TMEM132D: variants seen among roughly 807,000 people sequenced by gnomAD.
TMEM132D encodes transmembrane protein 132D.
A neutral mutation model predicts 62.3 loss-of-function variants in TMEM132D; 21 were observed. That is an observed-to-expected ratio of 0.34 (90% CI 0.24 to 0.49). The LOEUF (loss-of-function observed/expected upper bound fraction) is 0.49. Among genes scored for constraint, TMEM132D ranks in the 20% least tolerant of loss-of-function variants. The pLI, the probability that TMEM132D is intolerant of heterozygous loss-of-function variation, is 0.99. For synonymous variants in TMEM132D, 621 were observed against 575.6 expected (o/e 1.08, Z -1.13); for missense variants, 1,346 against 1,402.8 (o/e 0.96, Z 0.65).
At chr12:129,709,434 T>C (rs1360032302) in intron 1 of TMEM132D, among the ~76,000 whole-genome samples, 1 of 152,182 alleles carries the variant, frequency 6.6e-6, no homozygotes, top group Non-Finnish European at 1.5e-5. Context: ...TGGTAGAAAA[T>C]AAACTACAAT....
chr12:129,657,478 C>A (rs1290257970), intron 2 of TMEM132D, among the ~76,000 whole-genome samples: 1 of 152,196 alleles, frequency 6.6e-6, no homozygotes, highest in African/African-American at 2.4e-5. Flanking sequence ...CACATTTCCA[C>A]CATCAAGAAG....
At chr12:129,156,300 A>T (rs1482922422) in intron 5 of TMEM132D, among the ~76,000 whole-genome samples, 2 of 151,904 alleles carry the variant, frequency 1.3e-5, no homozygotes, top group Non-Finnish European at 2.9e-5. Context: ...GTCCTGTGAT[A>T]CCCAACCCAC....
chr12:129,605,928 C>A (rs1193149797), intron 2 of TMEM132D, among the ~76,000 whole-genome samples: 2 of 152,072 alleles, frequency 1.3e-5, no homozygotes. Flanking sequence ...CATAGAGCTG[C>A]TCCAGCTGCA....
intron 3 of TMEM132D, among the ~76,000 whole-genome samples, chr12:129,528,400 G>A (rs1876115990): frequency 1.4e-5 from 2 of 145,920 alleles, no homozygotes; most frequent in East Asian, 4.1e-4. Context: ...AGTTGCAGAT[G>A]TCTTATGAAA....
chr12:129,602,737 C>T (rs1878513978), intron 2 of TMEM132D, among the ~76,000 whole-genome samples: 1 of 152,184 alleles, frequency 6.6e-6, no homozygotes, highest in African/African-American at 2.4e-5. Flanking sequence ...TCACCATCCC[C>T]CACCAGAGGG....
At chr12:129,848,479 C>A (rs1249305999) in intron 1 of TMEM132D, among the ~76,000 whole-genome samples, 3 of 152,092 alleles carry the variant, frequency 2.0e-5, no homozygotes, top group African/African-American at 7.2e-5. Context: ...CTTAAAAAAT[C>A]TGAACATCAA....
intron 5 of TMEM132D, among the ~76,000 whole-genome samples, chr12:129,188,625 C>G (rs1449566416): frequency 6.6e-6 from 1 of 151,912 alleles, no homozygotes; most frequent in Non-Finnish European, 1.5e-5. Context: ...TACTAGCTGT[C>G]AGGCACAGGT....
intron 1 of TMEM132D, among the ~76,000 whole-genome samples, chr12:129,800,560 T>C (rs895981711): frequency 3.9e-5 from 6 of 152,080 alleles, no homozygotes; most frequent in African/African-American, 1.2e-4. Flanking sequence ...GTGGAGGCCA[T>C]AGAATCCTAT....
At chr12:129,517,587 G>A (rs1875719806) in intron 3 of TMEM132D, among the ~76,000 whole-genome samples, 2 of 152,258 alleles carry the variant, frequency 1.3e-5, no homozygotes, top group South Asian at 2.1e-4. Flanking sequence ...GTGGACCCAT[G>A]GGAGCATATT....
At chr12:129,583,070 A>G (rs532535819) in intron 2 of TMEM132D, among the ~76,000 whole-genome samples, 128 of 152,356 alleles carry the variant, frequency 8.4e-4, no homozygotes, top group African/African-American at 3.0e-3. Context: ...AGCCTCCCAA[A>G]GTGCTGGGAT....
At position 129,827,397 on chromosome 12, in the gene TMEM132D, A is replaced by G. The variant is rs1872690852; in HGVS notation, c.79+75864T>C. Among the ~76,000 whole-genome samples the G allele has an allele frequency of 3.3e-5, 5 of 152,180 alleles. No individual in the cohort carries two copies. Among genetic ancestry groups the G allele is most frequent in the Admixed American group, 3.3e-4 (5 of 15,276 alleles). On this transcript the variant is annotated intron_variant, in intron 1 of 8. Transcript: ENST00000422113. This position sits in a 1 kb window ranked among gnomAD's most constrained non-coding sequence, Gnocchi z 9.7. ...CTCTGGAGCACTGGCTAAAAACTGT[A>G]AGCAGCTGAACCAAAACAGGCTTTC... is the stretch of plus-strand genomic sequence containing the variant.
At chr12:129,896,380 G>A (rs909113348) in intron 1 of TMEM132D, among the ~76,000 whole-genome samples, 1 of 152,148 alleles carries the variant, frequency 6.6e-6, no homozygotes, top group East Asian at 1.9e-4. Flanking sequence ...GGGCAGCAGG[G>A]AATGAGAGCA....
At chr12:129,766,875 A>C (rs10847939) in intron 1 of TMEM132D, among the ~76,000 whole-genome samples, 1 of 152,196 alleles carries the variant, frequency 6.6e-6, no homozygotes, top group East Asian at 1.9e-4. Context: ...GACGCCCACC[A>C]GTACCATGAC....
intron 4 of TMEM132D, among the ~76,000 whole-genome samples, chr12:129,241,024 C>G (rs1879922572): frequency 6.6e-6 from 1 of 152,072 alleles, no homozygotes; most frequent in African/African-American, 2.4e-5. Flanking sequence ...GCCATTTTCT[C>G]CTGCCTGTGT....
At chr12:129,423,538 C>G (rs1872391214) in intron 3 of TMEM132D, among the ~76,000 whole-genome samples, 2 of 152,082 alleles carry the variant, frequency 1.3e-5, no homozygotes, top group African/African-American at 4.8e-5. Context: ...AAAAGGACAC[C>G]ATGATTAATT....
intron 5 of TMEM132D, among the ~76,000 whole-genome samples, chr12:129,171,942 C>T (rs983611086): frequency 1.3e-5 from 2 of 152,152 alleles, no homozygotes; most frequent in African/African-American, 4.8e-5. Context: ...TGCATTACTC[C>T]CTGACAAGAC....
At chr12:129,722,801 G>A (rs1245647230) in intron 1 of TMEM132D, among the ~76,000 whole-genome samples, 2 of 148,048 alleles carry the variant, frequency 1.4e-5, no homozygotes, top group African/African-American at 2.5e-5. Flanking sequence ...GTGCAGTGGT[G>A]TGATCTCAGT....
At chr12:129,150,047 G>A (rs535037274) in intron 5 of TMEM132D, among the ~76,000 whole-genome samples, 11 of 152,354 alleles carry the variant, frequency 7.2e-5, no homozygotes, top group African/African-American at 2.4e-4. Context: ...AATTACAGAT[G>A]GCAGCAGGCA....
At chr12:129,798,245 C>T (rs796641896) in intron 1 of TMEM132D, among the ~76,000 whole-genome samples, 3 of 152,190 alleles carry the variant, frequency 2.0e-5, no homozygotes, top group African/African-American at 4.8e-5. Flanking sequence ...CGTCTAGGTA[C>T]TTCTCTATAG....
Sources: gnomAD v4.1 joint callset for allele counts (sites outside exome capture counted in the v4.1 genomes callset) on GRCh38, gnomAD v4.1.1 for gene constraint, Gnocchi (gnomAD v3.1) non-coding constraint, MANE v1.5 for transcripts, NCBI Gene and HGNC (gene_info 2026-07-23, HGNC 2026-07-21) for gene names.